KCNIP4: variants seen among roughly 807,000 people sequenced by gnomAD.
KCNIP4 encodes potassium voltage-gated channel interacting protein 4.
KCNIP4 carries 12 observed loss-of-function variants against 34.0 expected under a neutral mutation model. The ratio of observed to expected loss-of-function variants is 0.35; its 90% confidence interval spans 0.23 to 0.57. The LOEUF (loss-of-function observed/expected upper bound fraction) is 0.57, where lower values mean the gene tolerates loss of function less well. Among genes scored for constraint, KCNIP4 ranks in the 20% least tolerant of loss-of-function variants. The pLI is 0.83. For missense variants in KCNIP4, 238 were observed against 311.7 expected, an observed-to-expected ratio of 0.76 and a Z score of 1.78; for synonymous variants, 124 against 102.2, an observed-to-expected ratio of 1.21 and a Z score of -1.29.
At chr4:21,408,639 A>C (rs139416143) in intron 1 of KCNIP4, among the ~76,000 whole-genome samples, 23 of 152,332 alleles carry the variant, frequency 1.5e-4, no homozygotes, top group Non-Finnish European at 2.5e-4. Flanking sequence ...TTAATCTTTT[A>C]GACTTTTTTT....
chr4:21,757,262 GAAAAGAAAAGAAAAGAAAAGAAAAGAGAA>G (rs1560691840), intron 1 of KCNIP4, among the ~76,000 whole-genome samples: 2 of 29,088 alleles, frequency 6.9e-5, no homozygotes, highest in Admixed American at 2.2e-4. Flanking sequence ...GAAAAGAAAA[GAAAAGAAAAGAAAAGAAAAGAAAAGAGAA>G]AAGAAAAGAA....
chr4:21,707,375 A>G (rs1016441138), intron 1 of KCNIP4, among the ~76,000 whole-genome samples: 4 of 152,180 alleles, frequency 2.6e-5, no homozygotes, highest in African/African-American at 9.6e-5. Context: ...GGAGGGCCGA[A>G]GAAGTGAAAT....
chr4:21,036,265 G>A (rs1032468198), intron 1 of KCNIP4, among the ~76,000 whole-genome samples: 2 of 152,128 alleles, frequency 1.3e-5, no homozygotes, highest in Non-Finnish European at 2.9e-5. Context: ...CATGATCAGA[G>A]AGATCAATTA....
intron 1 of KCNIP4, among the ~76,000 whole-genome samples, chr4:20,976,206 A>T (rs561201721): frequency 2.6e-5 from 4 of 152,180 alleles, no homozygotes; most frequent in Non-Finnish European, 5.9e-5. Context: ...CTCAAGTAAG[A>T]ACCCATTAGA....
intron 1 of KCNIP4, among the ~76,000 whole-genome samples, chr4:21,576,242 C>G (rs1418792329): frequency 6.6e-6 from 1 of 152,024 alleles, no homozygotes; most frequent in African/African-American, 2.4e-5. Flanking sequence ...ATTGGAGATT[C>G]TAAGAAATCA....
In KCNIP4 at chr4:21,490,674, GA is replaced by G. The variant is rs935230737; in HGVS notation, c.61+457896del. Among the ~76,000 whole-genome samples the G allele has an allele frequency of 2.0e-5, 3 of 152,074 alleles. No individual in the cohort carries two copies. In the South Asian group the frequency reaches 6.2e-4, roughly 32 times the overall value. ...AGTGCACACTATTCATTTAATATCTGAAAAAACTCTTTGTAACAAAAGGTTT... is the reference window on the plus strand; with the variant it reads ...AGTGCACACTATTCATTTAATATCTGAAAAACTCTTTGTAACAAAAGGTTT... On this transcript the variant is annotated intron_variant, in intron 1 of 8. Transcript: ENST00000382152.
chr4:21,240,408 G>A (rs553474794), intron 1 of KCNIP4, among the ~76,000 whole-genome samples: 79 of 152,060 alleles, frequency 5.2e-4, no homozygotes, highest in African/African-American at 1.9e-3. Flanking sequence ...AAAAGTAGCT[G>A]CCTGTAGAAG....
intron 1 of KCNIP4, among the ~76,000 whole-genome samples, chr4:21,561,781 C>G (rs1453033289): frequency 1.3e-5 from 2 of 151,982 alleles, no homozygotes; most frequent in Admixed American, 1.3e-4. Flanking sequence ...AAGAGTTTCA[C>G]ATACATTACA....
intron 1 of KCNIP4, among the ~76,000 whole-genome samples, chr4:21,269,301 C>T (rs1761998254): frequency 6.6e-6 from 1 of 152,196 alleles, no homozygotes; most frequent in Non-Finnish European, 1.5e-5. Flanking sequence ...ATTGACTAGA[C>T]ATCATAAGTA....
chr4:21,116,431 C>T (rs11939115), intron 1 of KCNIP4, among the ~76,000 whole-genome samples: 67,106 of 151,958 alleles, frequency 0.44, 15,919 homozygotes, highest in African/African-American at 0.63. Context: ...CAGAGATCAT[C>T]GTTCTTACGG....
intron 4 of KCNIP4, among the ~76,000 whole-genome samples, chr4:20,758,413 T>G (rs539149920): frequency 1.3e-5 from 2 of 152,298 alleles, no homozygotes; most frequent in South Asian, 4.1e-4. Flanking sequence ...GCAAACCATT[T>G]ACCTTCTCCA....
intron 1 of KCNIP4, among the ~76,000 whole-genome samples, chr4:21,556,158 A>G (rs73801676): frequency 0.011 from 1,667 of 152,274 alleles, 33 homozygotes; most frequent in African/African-American, 0.039. Flanking sequence ...GATTTTGAGA[A>G]TACTATGGAA....
chr4:20,974,823 AC>A (rs1180455646), intron 1 of KCNIP4, among the ~76,000 whole-genome samples: 3 of 152,206 alleles, frequency 2.0e-5, no homozygotes, highest in African/African-American at 7.2e-5. Flanking sequence ...TTCTTGGTAC[AC>A]AGATCACACT....
intron 1 of KCNIP4, among the ~76,000 whole-genome samples, chr4:21,141,502 G>A (rs1214762411): frequency 6.6e-6 from 1 of 152,066 alleles, no homozygotes; most frequent in African/African-American, 2.4e-5. Context: ...GAGAAAAAGT[G>A]TCAGATATAA....
intron 1 of KCNIP4, among the ~76,000 whole-genome samples, chr4:21,147,370 C>T (rs1752436116): frequency 6.6e-6 from 1 of 152,126 alleles, no homozygotes; most frequent in African/African-American, 2.4e-5. Context: ...TCCCTACAAC[C>T]TTTGTAAATA....
chr4:20,905,337 G>C (rs926957506), intron 1 of KCNIP4, among the ~76,000 whole-genome samples: 4 of 151,842 alleles, frequency 2.6e-5, no homozygotes, highest in Non-Finnish European at 4.4e-5. Flanking sequence ...ACTGAATTAG[G>C]GTTTCACCCT....
At chr4:20,986,982 G>A (rs1396723017) in intron 1 of KCNIP4, among the ~76,000 whole-genome samples, 1 of 152,124 alleles carries the variant, frequency 6.6e-6, no homozygotes, top group Non-Finnish European at 1.5e-5. Flanking sequence ...TGGCTCCCAA[G>A]TATGCGGGGG....
chr4:21,200,564 A>T (rs558153716), intron 1 of KCNIP4, among the ~76,000 whole-genome samples: 242 of 152,016 alleles, frequency 1.6e-3, no homozygotes, highest in African/African-American at 5.6e-3. Flanking sequence ...GCATGTTCTC[A>T]CTAAGTGGGA....
intron 1 of KCNIP4, among the ~76,000 whole-genome samples, chr4:21,597,111 A>G (rs1024623409): frequency 2.0e-5 from 3 of 152,026 alleles, no homozygotes; most frequent in Non-Finnish European, 4.4e-5. Context: ...CCCCACTCAA[A>G]TCTCATCTTG....
Sources: allele counts gnomAD v4.1 joint callset (sites outside exome capture counted in the v4.1 genomes callset), GRCh38; gene constraint gnomAD v4.1.1; transcripts MANE v1.5; gene names NCBI Gene and HGNC (gene_info 2026-07-23, HGNC 2026-07-21).